Variants in ST3GAL5 observed in about 807,000 individuals in gnomAD.
The protein encoded by ST3GAL5 is ST3 beta-galactoside alpha-2,3-sialyltransferase 5.
A neutral mutation model predicts 46.1 loss-of-function variants in ST3GAL5; 25 were observed. The observed-to-expected ratio is 0.54, with a 90% CI of 0.40 to 0.76. The LOEUF is 0.76. Among genes scored for constraint, ST3GAL5 ranks in the 30% least tolerant of loss-of-function variants. The pLI, the probability that ST3GAL5 is intolerant of heterozygous loss-of-function variation, is 0.00. For synonymous variants in ST3GAL5, 182 were observed against 192.7 expected, an observed-to-expected ratio of 0.94 and a Z score of 0.46; for missense variants, 431 against 521.2, an observed-to-expected ratio of 0.83 and a Z score of 1.69.
intron 1 of ST3GAL5, among the ~76,000 whole-genome samples, chr2:85,865,206 T>C (rs1486463528): frequency 6.6e-6 from 1 of 152,238 alleles, no homozygotes; most frequent in Non-Finnish European, 1.5e-5. Context: ...TTATAATAAA[T>C]GCATATATTA....
intron 3 of ST3GAL5, chr2:85,850,837 G>A (rs1683412762): frequency 6.6e-6 from 1 of 152,180 alleles, no homozygotes; most frequent in African/African-American, 2.4e-5. Flanking sequence ...AGCTGCATCT[G>A]GAAAGGAGTG....
intron 1 of ST3GAL5, chr2:85,867,587 CGT>C (rs751643809): frequency 2.6e-6 from 2 of 780,904 alleles, no homozygotes; most frequent in South Asian, 2.7e-5. Flanking sequence ...CAGAAAGAAA[CGT>C]GTGATGGGGA....
chr2:85,869,968 C>T, intron 1 of ST3GAL5: 1 of 342,956 alleles, frequency 2.9e-6, no homozygotes, highest in Admixed American at 3.7e-5. Context: ...GCACACATAG[C>T]CTCCGTTCAG....
intron 4 of ST3GAL5, chr2:85,847,258 T>C (rs1438821858): frequency 6.6e-6 from 4 of 609,206 alleles, no homozygotes; most frequent in African/African-American, 4.0e-5. Context: ...AGGCCCCTCA[T>C]TGACTCAAGT....
chr2:85,867,493 A>C, intron 1 of ST3GAL5: 1 of 751,050 alleles, frequency 1.3e-6, no homozygotes, highest in Non-Finnish European at 2.5e-6. Flanking sequence ...GGATATATCT[A>C]TTAAAGGTAT....
At chr2:85,851,507 C>T in intron 3 of ST3GAL5, 1 of 1,287,364 alleles carries the variant, frequency 7.8e-7, no homozygotes, top group East Asian at 5.6e-5. Flanking sequence ...GTCCTCCACT[C>T]TGGGATGGTT....
intron 3 of ST3GAL5, chr2:85,851,606 C>T (rs983865784): frequency 6.2e-6 from 8 of 1,289,286 alleles, no homozygotes; most frequent in African/African-American, 1.5e-5. Flanking sequence ...TAAGTTGAAC[C>T]GGCATCTGCT....
At chr2:85,842,944 G>T (rs912245195) in intron 6 of ST3GAL5, among the ~76,000 whole-genome samples, 1 of 152,120 alleles carries the variant, frequency 6.6e-6, no homozygotes, top group East Asian at 1.9e-4. Context: ...TTTTAGTAGA[G>T]ACAGGGTTTC....
intron 5 of ST3GAL5, chr2:85,844,915 C>T: frequency 2.9e-6 from 1 of 342,910 alleles, no homozygotes; most frequent in Non-Finnish European, 5.6e-6. Flanking sequence ...CCTCACCTCG[C>T]ATCCTCTCTC....
chr2:85,883,839 G>A (rs990341558), intron 1 of ST3GAL5, among the ~76,000 whole-genome samples: 4 of 152,164 alleles, frequency 2.6e-5, no homozygotes, highest in African/African-American at 9.7e-5. Context: ...ACTGGAGATG[G>A]GGAAGTCCTC....
chr2:85,860,562 GA>G (rs1684601306), intron 3 of ST3GAL5, among the ~76,000 whole-genome samples: 1 of 152,088 alleles, frequency 6.6e-6, no homozygotes, highest in South Asian at 2.1e-4. Context: ...TAAAACACAG[GA>G]AGGACAGATG....
chr2:85,871,577 A>G (rs1157014828), intron 1 of ST3GAL5, among the ~76,000 whole-genome samples: 1 of 152,228 alleles, frequency 6.6e-6, no homozygotes, highest in African/African-American at 2.4e-5. Flanking sequence ...TAAGGCACTG[A>G]TATTTATTGA....
chr2:85,847,501 A>G (rs1682936457), intron 4 of ST3GAL5: 4 of 1,051,196 alleles, frequency 3.8e-6, no homozygotes, highest in South Asian at 6.8e-5. Context: ...GGGACTGTGA[A>G]GAGCTTCCTG....
At chr2:85,867,248 TCTGA>T (rs1220722977) in intron 1 of ST3GAL5, among the ~76,000 whole-genome samples, 6 of 152,338 alleles carry the variant, frequency 3.9e-5, no homozygotes, top group Non-Finnish European at 8.8e-5. Context: ...CAGCAGGGTC[TCTGA>T]CTGACAGCAT....
intron 3 of ST3GAL5, among the ~76,000 whole-genome samples, chr2:85,859,586 G>A (rs1410893563): frequency 2.0e-5 from 3 of 152,158 alleles, no homozygotes; most frequent in Non-Finnish European, 4.4e-5. Context: ...GGGAAGGCTG[G>A]CCCTGCGACC....
At chr2:85,847,781 G>T (rs1682984254) in intron 4 of ST3GAL5, 80 bp downstream of exon 4, 2 of 1,525,638 alleles carry the variant, frequency 1.3e-6, no homozygotes, top group African/African-American at 2.8e-5. Context: ...GACAACAGGA[G>T]TGAGACCCTG....
chr2:85,864,474 G>A (rs566642022), intron 1 of ST3GAL5, among the ~76,000 whole-genome samples: 1 of 151,914 alleles, frequency 6.6e-6, no homozygotes, highest in South Asian at 2.1e-4. Flanking sequence ...AAACCTGGGA[G>A]ATGGGTCTAG....
intron 3 of ST3GAL5, chr2:85,852,794 G>T: frequency 9.5e-7 from 1 of 1,048,012 alleles, no homozygotes; most frequent in Non-Finnish European, 1.3e-6. Context: ...GTTCTAGATT[G>T]ATTTAACTAG....
In ST3GAL5 at chr2:85,844,568, G is replaced by C. The variant is rs747405099; in HGVS notation, c.850-14C>G. On this transcript the variant is annotated splice_polypyrimidine_tract_variant and intron_variant, in intron 5 of 6. Coordinates refer to ENST00000638572, the MANE Select transcript of ST3GAL5 (RefSeq NM_003896.4). ...TACCCAGAATGGCTAAGGAAAGCAA[G>C]CAAGCAGTTGTTAGTCATCCTTCTA... 1 of 1,614,002 alleles carries C rather than the reference G, an allele frequency of 6.2e-7. No individual in the cohort carries two copies. Among genetic ancestry groups the C allele is most frequent in the South Asian group, 1.1e-5 (1 of 91,086 alleles).
Sources: allele counts gnomAD v4.1 joint callset (sites outside exome capture counted in the v4.1 genomes callset), GRCh38; gene constraint gnomAD v4.1.1; transcripts MANE v1.5; gene names NCBI Gene and HGNC (gene_info 2026-07-23, HGNC 2026-07-21).